The following LGSN variants were observed in gnomAD, a reference collection of about 807,000 sequenced individuals.
LGSN encodes lengsin.
A neutral mutation model predicts 19.5 loss-of-function variants in LGSN; 21 were observed. The ratio of observed to expected loss-of-function variants is 1.07; its 90% CI spans 0.76 to 1.55. The LOEUF (loss-of-function observed/expected upper bound fraction) is 1.55, where lower values mean the gene tolerates loss of function less well. Ranked by LOEUF, LGSN falls within the 40% of genes most tolerant of loss-of-function variation. LGSN has a pLI of 0.00. For synonymous variants in LGSN, 257 were observed against 215.6 expected (o/e 1.19, Z -1.68); for missense variants, 673 against 608.5 (o/e 1.11, Z -1.12).
chr6:63,413,270 C>T, the LGSN span, among the ~76,000 whole-genome samples: 14 of 152,086 alleles, frequency 9.2e-5, no homozygotes, highest in African/African-American at 3.1e-4. Context: ...ACAAAATGAA[C>T]TCTAAATGCA....
chr6:63,525,404 C>G, the LGSN span, among the ~76,000 whole-genome samples: 1 of 152,166 alleles, frequency 6.6e-6, no homozygotes, highest in African/African-American at 2.4e-5. Flanking sequence ...GGAACACACT[C>G]CTTCCCGTTT....
the LGSN span, among the ~76,000 whole-genome samples, chr6:63,528,562 A>C: frequency 6.6e-6 from 1 of 151,946 alleles, no homozygotes; most frequent in Non-Finnish European, 1.5e-5. Flanking sequence ...TCATCTCTAC[A>C]AAAAATATAA....
the LGSN span, among the ~76,000 whole-genome samples, chr6:63,360,877 C>T: frequency 0.12 from 17,917 of 152,228 alleles, 2,202 homozygotes; most frequent in African/African-American, 0.31. Flanking sequence ...TTCTAACAGT[C>T]AGCACCCTCA....
At chr6:63,315,618 CTGTGTGTGTGTGTG>C (rs10601946) in intron 1 of LGSN, among the ~76,000 whole-genome samples, 6 of 138,078 alleles carry the variant, frequency 4.3e-5, no homozygotes, top group South Asian at 2.5e-4. Context: ...CTCTCTCTCT[CTGTGTGTGTGTGTG>C]TGTGTGTGTG....
At chr6:63,572,687 A>C in the LGSN span, 1 of 404,978 alleles carries the variant, frequency 2.5e-6, no homozygotes, top group East Asian at 3.5e-5. Flanking sequence ...CTGTATGATT[A>C]GGCCACAATC....
the LGSN span, among the ~76,000 whole-genome samples, chr6:63,344,557 G>A: frequency 6.6e-6 from 1 of 152,288 alleles, no homozygotes; most frequent in Non-Finnish European, 1.5e-5. Context: ...GATGATGGCT[G>A]TATACAAGGC....
chr6:63,467,702 T>G, the LGSN span, among the ~76,000 whole-genome samples: 2 of 152,148 alleles, frequency 1.3e-5, no homozygotes, highest in African/African-American at 4.8e-5. Context: ...TTTTGTTTGT[T>G]TGTTTTTGAG....
chr6:63,462,222 T>C, the LGSN span, among the ~76,000 whole-genome samples: 2 of 152,330 alleles, frequency 1.3e-5, no homozygotes, highest in East Asian at 3.9e-4. Flanking sequence ...AGGCCTGTCT[T>C]TCCCAGTGGA....
chr6:63,502,116 T>C, the LGSN span, among the ~76,000 whole-genome samples: 2 of 152,230 alleles, frequency 1.3e-5, no homozygotes, highest in Non-Finnish European at 2.9e-5. Flanking sequence ...AAGTTTTCTA[T>C]GATGAGTACA....
the LGSN span, among the ~76,000 whole-genome samples, chr6:63,452,622 C>T: frequency 7.3e-5 from 11 of 150,462 alleles, no homozygotes; most frequent in Non-Finnish European, 1.5e-4. Flanking sequence ...ATGATGTCCC[C>T]GATTTTATTC....
At chr6:63,532,768 A>C in the LGSN span, among the ~76,000 whole-genome samples, 1 of 152,340 alleles carries the variant, frequency 6.6e-6, no homozygotes, top group African/African-American at 2.4e-5. Flanking sequence ...AGCATGTTCA[A>C]TCAGTATCTA....
At chr6:63,559,440 A>C in the LGSN span, among the ~76,000 whole-genome samples, 1 of 152,146 alleles carries the variant, frequency 6.6e-6, no homozygotes, top group Non-Finnish European at 1.5e-5. Context: ...AAAAAAAATC[A>C]TTTGGTTTAA....
the LGSN span, among the ~76,000 whole-genome samples, chr6:63,426,744 G>C: frequency 1.3e-5 from 2 of 151,714 alleles, no homozygotes; most frequent in Non-Finnish European, 2.9e-5. Context: ...TGAACTCTTA[G>C]CCTCAAGTAA....
At chr6:63,557,322 T>G in the LGSN span, among the ~76,000 whole-genome samples, 1 of 152,244 alleles carries the variant, frequency 6.6e-6, no homozygotes, top group South Asian at 2.1e-4. Context: ...TCCCAGAACT[T>G]TGGGAGGCCA....
the LGSN span, among the ~76,000 whole-genome samples, chr6:63,362,009 G>C: frequency 2.2e-4 from 33 of 152,132 alleles, no homozygotes; most frequent in African/African-American, 7.7e-4. Context: ...TATTTGTGTT[G>C]ACAGAGTTTT....
the LGSN span, among the ~76,000 whole-genome samples, chr6:63,408,372 G>A: frequency 4.2e-4 from 62 of 147,306 alleles, 1 homozygote; most frequent in Admixed American, 8.2e-4. Context: ...CAGAAATAAC[G>A]CCACATATCT....
At chr6:63,358,342 T>C in the LGSN span, among the ~76,000 whole-genome samples, 839 of 143,570 alleles carry the variant, frequency 5.8e-3, no homozygotes, top group African/African-American at 8.0e-3. Context: ...ATATGAACTT[T>C]AAAGTAGTTT....
chr6:63,506,256 T>G, the LGSN span, among the ~76,000 whole-genome samples: 1,246 of 44,152 alleles, frequency 0.028, 6 homozygotes, highest in African/African-American at 0.055. Flanking sequence ...GGTGGTGGTG[T>G]TGTTGTTGTT....
the LGSN span, among the ~76,000 whole-genome samples, chr6:63,344,489 T>G: frequency 6.6e-6 from 1 of 152,044 alleles, no homozygotes; most frequent in Non-Finnish European, 1.5e-5. Context: ...AAAGAAGAAA[T>G]CATGCAGTTC....
Sources: allele counts gnomAD v4.1 joint callset (sites outside exome capture counted in the v4.1 genomes callset), GRCh38; gene constraint gnomAD v4.1.1; transcripts MANE v1.5; gene names NCBI Gene and HGNC (gene_info 2026-07-23, HGNC 2026-07-21).